The following GAA variants were observed in gnomAD, a reference collection of about 807,000 sequenced individuals.
GAA encodes the protein alpha glucosidase.
Under a neutral mutation model 103.9 loss-of-function variants are expected in GAA, and 88 were observed. That is an observed-to-expected ratio of 0.85 (90% CI 0.71 to 1.01). The LOEUF (loss-of-function observed/expected upper bound fraction) is 1.01, where lower values mean the gene tolerates loss of function less well. Ranked by LOEUF, GAA falls within the 50% of genes least tolerant of loss-of-function variation. The probability of loss-of-function intolerance (pLI) is 0.00; values close to 1 mark genes in which losing one functional copy is unlikely to be tolerated. For synonymous variants in GAA, 572 were observed against 563.1 expected (o/e 1.02, Z -0.22); for missense variants, 1,350 against 1,305.3 (o/e 1.03, Z -0.53).
At chr17:80,114,007 CAA>C (rs1176979975) in intron 15 of GAA, among the ~76,000 whole-genome samples, 1 of 99,280 alleles carries the variant, frequency 1.0e-5, no homozygotes. Flanking sequence ...GACTCCATCT[CAA>C]AAAAAAAAAA....
At chr17:80,116,720 C>A in intron 15 of GAA, 1 of 558,664 alleles carries the variant, frequency 1.8e-6, no homozygotes, top group Non-Finnish European at 3.2e-6. Flanking sequence ...GCCTCAAGCA[C>A]AAGCCCCTAT....
chr17:80,108,130 GT>G (rs1214629505), intron 5 of GAA, among the ~76,000 whole-genome samples, 159 bp from the exon 6 acceptor site: 1 of 152,198 alleles, frequency 6.6e-6, no homozygotes, highest in African/African-American at 2.4e-5. Flanking sequence ...CCCATGCCAG[GT>G]TCCTCCTGAG....
At chr17:80,113,121 C>T in intron 14 of GAA, 94 bp downstream of exon 14, 4 of 1,540,524 alleles carry the variant, frequency 2.6e-6, no homozygotes, top group Non-Finnish European at 2.6e-6. Context: ...GCACCCCATG[C>T]TGGGTGGCTG....
intron 15 of GAA, 137 bp downstream of exon 15, chr17:80,113,503 C>A: frequency 1.2e-6 from 1 of 821,382 alleles, no homozygotes; most frequent in South Asian, 2.0e-5. Flanking sequence ...AACATTTGGG[C>A]CTGGCTTAAG....
chr17:80,107,804 G>T lies in GAA; in HGVS notation c.863G>T (p.Gly288Val). The T allele has an allele frequency of 6.2e-7, 1 of 1,611,668 alleles. No homozygotes were observed. The highest frequency in any genetic ancestry group is 1.3e-5 in the African/African-American group (1 of 75,020). ...GCCGTCTCCTGCATGTCCCAGCCCG[G>T]TGCGAACCTCTACGGGTCTCACCCT... ...LWNRDLAPTP[G>V]ANLYGSHPFY... The change falls in exon 5 of 20, where the codon GGT (glycine) becomes GTT (valine). Residue 288 changes from glycine (G) to valine (V), a missense_variant. Gly to Val is a moderately radical substitution (Grantham distance 109). Transcript: ENST00000302262.
At position 80,112,001 on chromosome 17, in the gene GAA, T is replaced by C. The variant is rs779556619; in HGVS notation, c.1655T>C (p.Leu552Pro). ...PYVPGVVGGT[L>P]QAATICASSH... is the part of the protein sequence containing the mutation. Reference sequence around the variant, plus strand: ...CTTCCAGGGGTGGTTGGGGGGACCCTCCAGGCGGCCACCATCTGTGCCTCC... The same window carrying C: ...CTTCCAGGGGTGGTTGGGGGGACCCCCCAGGCGGCCACCATCTGTGCCTCC... Residue 552 changes from leucine to proline, a missense_variant, in exon 12 of 20, where the codon CTC (leucine) becomes CCC (proline). Physicochemically the swap from Leu to Pro is moderately conservative, Grantham distance 98 (BLOSUM62 -3). Coordinates refer to ENST00000302262, the MANE Select transcript of GAA (RefSeq NM_000152.5). 46 of 1,613,608 alleles carry C rather than the reference T, an allele frequency of 2.9e-5. No homozygotes were observed. Among genetic ancestry groups the C allele is most frequent in the Non-Finnish European group, 3.6e-5 (43 of 1,179,880 alleles).
At position 80,104,944 on chromosome 17, in the gene GAA, G is replaced by T; in HGVS notation, c.358G>T (p.Ala120Ser). The T allele has an allele frequency of 6.2e-7, 1 of 1,612,390 alleles. No homozygotes were observed. Among genetic ancestry groups the T allele is most frequent in the Non-Finnish European group, 8.5e-7 (1 of 1,179,804 alleles). The change falls in exon 2 of 20, where the codon GCC (alanine) becomes TCC (serine). Residue 120 changes from alanine (A) to serine (S), a missense_variant. Transcript: ENST00000302262. This position sits in a 1 kb window ranked among gnomAD's most constrained non-coding sequence, Gnocchi z 4.0. ...YIPAKQGLQG[A>S]QMGQPWCFFP... ...CCCTGCAAAGCAGGGGCTGCAGGGAGCCCAGATGGGGCAGCCCTGGTGCTT... is the reference window on the plus strand; with the variant it reads ...CCCTGCAAAGCAGGGGCTGCAGGGATCCCAGATGGGGCAGCCCTGGTGCTT...
rs375831200 is a variant in GAA at position 80,118,321 on chromosome 17, A to G, written c.2610A>G (p.Arg870=). 2.4e-5 allele frequency: 38 copies of G among 1,581,000 alleles called. No homozygotes were observed. The highest frequency in any genetic ancestry group is 3.3e-5 in the Non-Finnish European group (38 of 1,161,512). Residue 870 remains arginine (R), a synonymous_variant, in exon 18 of 20, where the codon CGA becomes CGG. Coordinates refer to ENST00000302262, the MANE Select transcript of GAA (RefSeq NM_000152.5). The part of the protein sequence containing the change: ...DDGESLEVLE[R]GAYTQVIFLA... ...GAGAGAGCCTGGAAGTGCTGGAGCGAGGGGCCTACACACAGGTCATCTTCC... is the reference window on the plus strand; with the variant it reads ...GAGAGAGCCTGGAAGTGCTGGAGCGGGGGGCCTACACACAGGTCATCTTCC...
At chr17:80,106,243 C>T (rs1264789254) in intron 3 of GAA, among the ~76,000 whole-genome samples, 1 of 152,204 alleles carries the variant, frequency 6.6e-6, no homozygotes, top group Non-Finnish European at 1.5e-5. Flanking sequence ...TACTCAGTGT[C>T]CACGCACTGA....
At position 80,108,713 on chromosome 17, in the gene GAA, A is replaced by G. The variant is rs886042961; in HGVS notation, c.1211A>G (p.Asp404Gly). 1.2e-6 allele frequency: 2 copies of G among 1,612,522 alleles called. No homozygotes were observed. The highest frequency in any genetic ancestry group is 1.7e-6 in the Non-Finnish European group (2 of 1,179,940). Residue 404 changes from aspartate (D) to glycine (G), a missense_variant, in exon 8 of 20, where the codon GAC (aspartate) becomes GGC (glycine). By Grantham distance (94) the Asp-to-Gly change is moderately conservative (BLOSUM62 -1). Coordinates refer to ENST00000302262, the MANE Select transcript of GAA (RefSeq NM_000152.5). Reference sequence around the variant, plus strand: ...TGGCTGCAGGACGTCCAGTGGAACGACCTGGACTACATGGACTCCCGGAGG... The same window carrying G: ...TGGCTGCAGGACGTCCAGTGGAACGGCCTGGACTACATGGACTCCCGGAGG... ...AHFPLDVQWNDLDYMDSRRDF... is the reference protein window; with the variant it reads ...AHFPLDVQWNGLDYMDSRRDF...
At chr17:80,113,069 C>A in intron 14 of GAA, 42 bp downstream of exon 14, 1 of 1,574,098 alleles carries the variant, frequency 6.4e-7, no homozygotes, top group Non-Finnish European at 8.6e-7. Flanking sequence ...CGATCCCACC[C>A]ACCCAAGACT....
intron 10 of GAA, 48 bp from the exon 11 acceptor site, chr17:80,110,893 C>G: frequency 6.2e-7 from 1 of 1,613,068 alleles, no homozygotes; most frequent in Non-Finnish European, 8.5e-7. Context: ...ACTACCCCAC[C>G]CTCCTCACTC....
At position 80,108,506 on chromosome 17, in the gene GAA, C is replaced by T. The variant is rs749247997; in HGVS notation, c.1093C>T (p.Pro365Ser). The change falls in exon 7 of 20, where the codon CCA (proline) becomes TCA (serine). Residue 365 changes from proline to serine, a missense_variant. By Grantham distance (74) the Pro-to-Ser change is moderately conservative. Coordinates refer to ENST00000302262, the MANE Select transcript of GAA (RefSeq NM_000152.5). ...LDVVGYPFMP[P>S]YWGLGFHLCR... Reference sequence around the variant, plus strand: ...GCCTGCAGGATACCCGTTCATGCCGCCATACTGGGGCCTGGGCTTCCACCT... The same window carrying T: ...GCCTGCAGGATACCCGTTCATGCCGTCATACTGGGGCCTGGGCTTCCACCT... 1 of 1,613,162 alleles carries T rather than the reference C, an allele frequency of 6.2e-7. No individual in the cohort carries two copies. Among genetic ancestry groups the T allele is most frequent in the South Asian group, 1.1e-5 (1 of 91,086 alleles).
rs2143881993 is a variant in GAA, at chr17:80,111,973, C to T, written c.1637-10C>T. The T allele has an allele frequency of 1.2e-6, 2 of 1,611,160 alleles. No homozygotes were observed. Among genetic ancestry groups the T allele is most frequent in the Non-Finnish European group, 1.7e-6 (2 of 1,178,226 alleles). On this transcript the variant is annotated splice_polypyrimidine_tract_variant and intron_variant, in intron 11 of 19. Coordinates refer to ENST00000302262, the MANE Select transcript of GAA (RefSeq NM_000152.5). ...GAAGCTCCCTGGAAACCAGCCCCCG[C>T]CTCTTCCAGGGGTGGTTGGGGGGAC...
intron 8 of GAA, among the ~76,000 whole-genome samples, chr17:80,109,424 G>A (rs1357464688): frequency 6.6e-6 from 1 of 152,226 alleles, no homozygotes; most frequent in Non-Finnish European, 1.5e-5. Flanking sequence ...GCCCGAGTCT[G>A]GTGTCCGGCA....
At position 80,105,572 on chromosome 17, in the gene GAA, GTCC is replaced by G. The variant is rs138157092; in HGVS notation, c.547-169_547-167del. 4.1e-3 allele frequency among the ~76,000 whole-genome samples: 628 copies of G among 152,284 alleles called. No homozygotes were observed. The highest frequency in any genetic ancestry group is 0.012 in the African/African-American group (517 of 41,540). On this transcript the variant is annotated intron_variant, in intron 2 of 19. Coordinates refer to ENST00000302262, the MANE Select transcript of GAA (RefSeq NM_000152.5). The stretch of plus-strand genomic sequence containing the variant: ...ATTTTACCTCCATCCTGGGGGAGGC[GTCC>G]TCCTCCTGGCTCTGCAGATGAGGGA...
chr17:80,104,802 C>G lies in GAA; in HGVS notation c.216C>G (p.Pro72=). The part of the protein sequence containing the change: ...RPGPRDAQAH[P]GRPRAVPTQC... Reference sequence around the variant, plus strand: ...GGCCCCGGGATGCCCAGGCACACCCCGGCCGTCCCAGAGCAGTGCCCACAC... The same window carrying G: ...GGCCCCGGGATGCCCAGGCACACCCGGGCCGTCCCAGAGCAGTGCCCACAC... The change falls in exon 2 of 20, where the codon CCC becomes CCG. Residue 72 remains proline (P), a synonymous_variant. Coordinates refer to ENST00000302262, the MANE Select transcript of GAA (RefSeq NM_000152.5). The surrounding 1 kb of genome is among the most constrained non-coding windows in gnomAD (Gnocchi z 4.0). 6.2e-7 allele frequency: 1 copy of G among 1,611,938 alleles called. No homozygotes were observed. The highest frequency in any genetic ancestry group is 8.5e-7 in the Non-Finnish European group (1 of 1,179,604).
rs398123172 is a variant in GAA, at chr17:80,113,282, G to T, written c.2105G>T (p.Arg702Leu). 2 of 1,600,208 alleles carry T rather than the reference G, an allele frequency of 1.2e-6. No individual in the cohort carries two copies. Among genetic ancestry groups the T allele is most frequent in the African/African-American group, 1.3e-5 (1 of 74,660 alleles). ...QQAMRKALTLRYALLPHLYTL... is the reference protein window; with the variant it reads ...QQAMRKALTLLYALLPHLYTL... The stretch of plus-strand genomic sequence containing the variant: ...GCCATGAGGAAGGCCCTCACCCTGC[G>T]CTACGCACTCCTCCCCCACCTCTAC... Residue 702 changes from arginine to leucine, a missense_variant, in exon 15 of 20, where the codon CGC becomes CTC. Transcript: ENST00000302262.
At chr17:80,109,143 G>A (rs1035355529) in intron 8 of GAA, among the ~76,000 whole-genome samples, 8 of 152,134 alleles carry the variant, frequency 5.3e-5, no homozygotes, top group South Asian at 2.1e-4. Flanking sequence ...TGGAGGGCCC[G>A]GTGGGCCTGG....
Sources: allele counts gnomAD v4.1 joint callset (sites outside exome capture counted in the v4.1 genomes callset), GRCh38; gene constraint gnomAD v4.1.1; non-coding constraint Gnocchi (gnomAD v3.1); transcripts MANE v1.5; gene names NCBI Gene and HGNC (gene_info 2026-07-23, HGNC 2026-07-21).